The following MTMR3 variants were observed in gnomAD, a reference collection of about 807,000 sequenced individuals.
The protein encoded by MTMR3 is myotubularin related protein 3.
In MTMR3, 32 loss-of-function variants were observed where a neutral mutation model predicts 132.4. The observed-to-expected ratio is 0.24, with a 90% CI of 0.18 to 0.32. The LOEUF is 0.32. Ranked by LOEUF, MTMR3 falls within the 10% of genes least tolerant of loss-of-function variation. The pLI is 1.00. For synonymous variants in MTMR3, 556 were observed against 550.3 expected, an observed-to-expected ratio of 1.01 and a Z score of -0.14; for missense variants, 1,216 against 1,489.6, an observed-to-expected ratio of 0.82 and a Z score of 3.02.
intron 1 of MTMR3, among the ~76,000 whole-genome samples, chr22:29,931,437 T>C (rs2065641777): frequency 1.3e-5 from 2 of 152,216 alleles, no homozygotes; most frequent in African/African-American, 4.8e-5. Context: ...TTGTTTTGTT[T>C]TTGAGACAGA....
chr22:30,023,655 C>CG (rs2067827686), intron 19 of MTMR3: 14 of 738,012 alleles, frequency 1.9e-5, no homozygotes, highest in Non-Finnish European at 3.2e-5. Flanking sequence ...GAGAGGCCAT[C>CG]GAGGGTGGGT....
At chr22:29,890,035 T>G (rs1166464600) in intron 1 of MTMR3, among the ~76,000 whole-genome samples, 1 of 151,366 alleles carries the variant, frequency 6.6e-6, no homozygotes, top group African/African-American at 2.4e-5. Flanking sequence ...GCCTCCTGAG[T>G]AGCTGGGCGT....
At chr22:29,959,043 G>A (rs1394485679) in intron 2 of MTMR3, among the ~76,000 whole-genome samples, 1 of 152,132 alleles carries the variant, frequency 6.6e-6, no homozygotes, top group African/African-American at 2.4e-5. Context: ...TATTACTTGA[G>A]GTATTCTTTG....
intron 19 of MTMR3, chr22:30,023,176 G>C: frequency 2.0e-6 from 1 of 492,484 alleles, no homozygotes; most frequent in South Asian, 2.3e-5. Flanking sequence ...AATCATTAAG[G>C]TTCCTGACTT....
At chr22:29,948,869 C>T (rs761724939) in intron 1 of MTMR3, among the ~76,000 whole-genome samples, 16 of 151,192 alleles carry the variant, frequency 1.1e-4, no homozygotes, top group Non-Finnish European at 1.9e-4. Flanking sequence ...CTTTGGGAGG[C>T]TGAGGCAGGA....
chr22:30,020,439 T>C lies in MTMR3; in HGVS notation c.2780T>C (p.Val927Ala). The C allele has an allele frequency of 1.2e-6, 2 of 1,614,172 alleles. No homozygotes were observed. Among genetic ancestry groups the C allele is most frequent in the South Asian group, 2.2e-5 (2 of 91,082 alleles). Residue 927 changes from valine to alanine, a missense_variant, in exon 17 of 20, where the codon GTG becomes GCG. Coordinates refer to ENST00000401950, the MANE Select transcript of MTMR3 (RefSeq NM_021090.4). ...LPLAECKEGL[V>A]CNGAPETENR... ...TTAGCCGAATGTAAAGAGGGGCTTG[T>C]GTGCAATGGTGCCCCAGAGACTGAA...
chr22:29,984,461 C>T (rs562994449), intron 5 of MTMR3: 2 of 152,332 alleles, frequency 1.3e-5, no homozygotes, highest in East Asian at 3.9e-4. Flanking sequence ...AATTTTTAAA[C>T]TGCTGCTCTT....
chr22:29,951,926 A>G (rs1381445153), intron 1 of MTMR3, among the ~76,000 whole-genome samples: 1 of 135,302 alleles, frequency 7.4e-6, no homozygotes, highest in Non-Finnish European at 1.5e-5. Context: ...CTCTCACTCT[A>G]TCAAGTGGAG....
At chr22:29,977,308 G>A (rs2066648630) in intron 3 of MTMR3, among the ~76,000 whole-genome samples, 1 of 152,028 alleles carries the variant, frequency 6.6e-6, no homozygotes, top group South Asian at 2.1e-4. Flanking sequence ...GAAAAGTGCT[G>A]TGTAAACAGA....
At chr22:29,959,579 A>G (rs983781781) in intron 2 of MTMR3, among the ~76,000 whole-genome samples, 20 of 151,838 alleles carry the variant, frequency 1.3e-4, no homozygotes, top group Non-Finnish European at 2.4e-4. Context: ...GGGTTTCACT[A>G]TGTTGGCCAG....
chr22:29,908,614 C>T (rs144569135), intron 1 of MTMR3, among the ~76,000 whole-genome samples: 415 of 152,044 alleles, frequency 2.7e-3, no homozygotes, highest in African/African-American at 9.4e-3. Flanking sequence ...TGGCCCTTTG[C>T]GGAAATAGCA....
At chr22:29,919,691 A>T (rs1395996752) in intron 1 of MTMR3, among the ~76,000 whole-genome samples, 2 of 142,168 alleles carry the variant, frequency 1.4e-5, no homozygotes, top group Non-Finnish European at 1.5e-5. Flanking sequence ...CCTAGCTAAT[A>T]AAAAAAAAAA....
intron 18 of MTMR3, 45 bp from the exon 19 acceptor site, chr22:30,022,564 G>T: frequency 6.5e-7 from 1 of 1,544,310 alleles, no homozygotes. Context: ...GCTCCAGCTG[G>T]ATGGCCCATC....
At position 29,913,875 on chromosome 22, in the gene MTMR3, C is replaced by T. The variant is rs527862654; in HGVS notation, c.-138+30516C>T. On this transcript the variant is annotated intron_variant, in intron 1 of 19. Coordinates refer to ENST00000401950, the MANE Select transcript of MTMR3 (RefSeq NM_021090.4). ...AAAGCTATTCTCCTGCCTCAGCCTG[C>T]TGAGGAGCTGGGACTACAGGCTCAT... Among the ~76,000 whole-genome samples, 5 of 152,298 alleles carry T rather than the reference C, an allele frequency of 3.3e-5. No individual in the cohort carries two copies. In the East Asian group the frequency reaches 7.7e-4, roughly 24 times the overall value.
chr22:29,936,758 A>G (rs777909418), intron 1 of MTMR3, among the ~76,000 whole-genome samples: 3 of 152,216 alleles, frequency 2.0e-5, no homozygotes, highest in African/African-American at 2.4e-5. Context: ...TTTCAATTCA[A>G]TAGCCATTTA....
chr22:29,958,566 C>G (rs898941056), intron 2 of MTMR3, among the ~76,000 whole-genome samples: 1 of 152,160 alleles, frequency 6.6e-6, no homozygotes, highest in African/African-American at 2.4e-5. Context: ...CTGCTCCCCT[C>G]TTGTCTCAGT....
chr22:29,891,972 G>A (rs1483159364), intron 1 of MTMR3, among the ~76,000 whole-genome samples: 2 of 151,852 alleles, frequency 1.3e-5, no homozygotes, highest in Non-Finnish European at 2.9e-5. Flanking sequence ...GGCTAACACC[G>A]TGAAACCCGC....
At chr22:29,896,869 T>TCTCACACACACACACACA (rs145703649) in intron 1 of MTMR3, among the ~76,000 whole-genome samples, 71 of 138,218 alleles carry the variant, frequency 5.1e-4, no homozygotes, top group East Asian at 4.9e-3. Flanking sequence ...CAGGCTTGTC[T>TCTCACACACACACACACA]CACACACACA....
intron 7 of MTMR3, chr22:29,992,995 T>C (rs1017138019): frequency 2.9e-4 from 44 of 152,194 alleles, no homozygotes; most frequent in African/African-American, 1.0e-3. Context: ...CAAGTCCCAG[T>C]GCTAGTCACT....
Sources: gnomAD v4.1 joint callset for allele counts (sites outside exome capture counted in the v4.1 genomes callset) on GRCh38, gnomAD v4.1.1 for gene constraint, MANE v1.5 for transcripts, NCBI Gene and HGNC (gene_info 2026-07-23, HGNC 2026-07-21) for gene names.